BANP: variants seen among roughly 807,000 people sequenced by gnomAD.
BANP encodes BTG3 associated nuclear protein.
Under a neutral mutation model 68.1 loss-of-function variants are expected in BANP, and 11 were observed. The observed-to-expected ratio is 0.16, with a 90% CI of 0.10 to 0.27. The LOEUF is 0.27. Ranked by LOEUF, BANP falls within the 10% of genes least tolerant of loss-of-function variation. The pLI is 1.00. For missense variants in BANP, 504 were observed against 722.7 expected (o/e 0.70, Z 3.47); for synonymous variants, 329 against 303.2 (o/e 1.09, Z -0.88).
chr16:87,992,287 G>A (rs551132530), intron 4 of BANP, among the ~76,000 whole-genome samples: 1 of 152,288 alleles, frequency 6.6e-6, no homozygotes, highest in Non-Finnish European at 1.5e-5. Flanking sequence ...TTGCGTCTGT[G>A]TTTGTGCAAC....
intron 12 of BANP, among the ~76,000 whole-genome samples, chr16:88,068,731 C>A (rs939211636): frequency 1.3e-5 from 2 of 152,154 alleles, no homozygotes; most frequent in Non-Finnish European, 2.9e-5. Flanking sequence ...TGCAGAACTC[C>A]TCCCCAGCCC....
intron 2 of BANP, 168 bp downstream of exon 2, chr16:87,975,353 C>T (rs572374180): frequency 7.2e-6 from 5 of 696,460 alleles, no homozygotes; most frequent in South Asian, 3.5e-5. Context: ...TCCCTTCCCT[C>T]GCCCCTGCAG....
Position 88,016,720 on chromosome 16 carries a change from C to G in BANP, c.656-1708C>G, listed in dbSNP as rs115317820. 8.2e-3 allele frequency among the ~76,000 whole-genome samples: 1,250 copies of G among 152,320 alleles called. 16 individuals are homozygous for G. The highest frequency in any genetic ancestry group is 0.028 in the African/African-American group (1,151 of 41,544). The stretch of plus-strand genomic sequence containing the variant: ...CCATTAGCCTTGAGGTCACGTGTTT[C>G]CGTTTTGCTCCTCATATACAGGTGG... On this transcript the variant is annotated intron_variant, in intron 6 of 13. Transcript: ENST00000682872.
intron 11 of BANP, among the ~76,000 whole-genome samples, chr16:88,059,912 A>G (rs2086238355): frequency 6.6e-6 from 1 of 152,076 alleles, no homozygotes; most frequent in Non-Finnish European, 1.5e-5. Context: ...CCTGGTGGGG[A>G]AGGGTCACAT....
chr16:87,984,376 C>T (rs1353448867), intron 4 of BANP, 117 bp downstream of exon 4: 3 of 1,127,488 alleles, frequency 2.7e-6, no homozygotes, highest in Admixed American at 2.6e-5. Flanking sequence ...GTGTCTGCCT[C>T]AGCAGTCTCA....
upstream of BANP, among the ~76,000 whole-genome samples, chr16:87,949,979 G>A (rs969899221): frequency 2.0e-5 from 3 of 150,460 alleles, no homozygotes; most frequent in Admixed American, 6.7e-5. Context: ...CCGGGTTCAC[G>A]CCATTCTCCC....
chr16:88,045,584 C>T (rs1201701685), intron 11 of BANP, among the ~76,000 whole-genome samples: 1 of 152,184 alleles, frequency 6.6e-6, no homozygotes, highest in African/African-American at 2.4e-5. Context: ...GCGCTCCCCT[C>T]ACTCCCCACA....
At chr16:88,059,536 G>A (rs1394251510) in intron 11 of BANP, among the ~76,000 whole-genome samples, 2 of 152,104 alleles carry the variant, frequency 1.3e-5, no homozygotes, top group Admixed American at 6.5e-5. Context: ...TAAGGGACAC[G>A]GTTCAGGCCA....
chr16:87,961,703 G>A (rs1222441434), intron 1 of BANP, among the ~76,000 whole-genome samples: 2 of 152,272 alleles, frequency 1.3e-5, no homozygotes, highest in East Asian at 3.9e-4. Context: ...TGAAACTCAT[G>A]TTGAAAGCTG....
At chr16:87,964,881 C>G (rs1021398729) in intron 1 of BANP, among the ~76,000 whole-genome samples, 2 of 152,154 alleles carry the variant, frequency 1.3e-5, no homozygotes, top group African/African-American at 4.8e-5. Context: ...GTGGAAGAAG[C>G]AGGTTGGTTT....
intron 6 of BANP, among the ~76,000 whole-genome samples, chr16:88,017,887 GGGCATGCTGT>G (rs2074958735): frequency 6.6e-6 from 1 of 152,234 alleles, no homozygotes; most frequent in African/African-American, 2.4e-5. Context: ...CTGGCGTCAA[GGGCATGCTGT>G]GACTTACACT....
intron 6 of BANP, among the ~76,000 whole-genome samples, chr16:88,013,496 G>A (rs2073755634): frequency 6.6e-6 from 1 of 152,052 alleles, no homozygotes; most frequent in South Asian, 2.1e-4. Flanking sequence ...CTAGTTCCTA[G>A]ACCGCTGCCC....
rs1290979165 is a variant in BANP at position 88,002,013 on chromosome 16, T to C, written c.363-2282T>C. Among the ~76,000 whole-genome samples the C allele has an allele frequency of 1.3e-5, 2 of 152,188 alleles. No homozygotes were observed. Among genetic ancestry groups the C allele is most frequent in the Non-Finnish European group, 2.9e-5 (2 of 68,030 alleles). On this transcript the variant is annotated intron_variant, in intron 4 of 13. Transcript: ENST00000682872. This position sits in a 1 kb window ranked among gnomAD's most constrained non-coding sequence, Gnocchi z 4.6. ...GGTTGAACAGAAGAACGTGAATATG[T>C]CACCCACTTAGAACTAATTCTTGAT... is the stretch of plus-strand genomic sequence containing the variant.
intron 11 of BANP, among the ~76,000 whole-genome samples, chr16:88,044,067 C>A (rs1254511039): frequency 6.6e-6 from 1 of 152,226 alleles, no homozygotes; most frequent in Non-Finnish European, 1.5e-5. Context: ...GCTGGTTGGT[C>A]ATACCCGCAT....
intron 11 of BANP, among the ~76,000 whole-genome samples, chr16:88,042,037 G>A (rs554768465): frequency 2.0e-5 from 3 of 152,328 alleles, no homozygotes; most frequent in East Asian, 1.9e-4. Context: ...AGGAGGGGTC[G>A]GGAGAGCCAC....
chr16:88,039,533 C>T (rs62046863), intron 11 of BANP, among the ~76,000 whole-genome samples: 76,617 of 134,016 alleles, frequency 0.57, 25,014 homozygotes, highest in Non-Finnish European at 0.69. Context: ...TCACCTTCGA[C>T]ATTCCCTTGT....
At chr16:87,959,425 C>T (rs2058695728) in intron 1 of BANP, among the ~76,000 whole-genome samples, 1 of 152,164 alleles carries the variant, frequency 6.6e-6, no homozygotes, top group Admixed American at 6.5e-5. Context: ...AGGAATAAGA[C>T]GAGGTTGTGT....
At chr16:87,977,756 A>G (rs1326721173) in intron 2 of BANP, among the ~76,000 whole-genome samples, 2 of 152,340 alleles carry the variant, frequency 1.3e-5, no homozygotes, top group Non-Finnish European at 2.9e-5. Flanking sequence ...GCGTGTACCA[A>G]CTATGGCTTG....
At chr16:87,986,657 T>A (rs2064503689) in intron 4 of BANP, among the ~76,000 whole-genome samples, 1 of 152,210 alleles carries the variant, frequency 6.6e-6, no homozygotes, top group Admixed American at 6.5e-5. Context: ...TCTGTGCTCA[T>A]GAAAACATGT....
Sources: gnomAD v4.1 joint callset for allele counts (sites outside exome capture counted in the v4.1 genomes callset) on GRCh38, gnomAD v4.1.1 for gene constraint, Gnocchi (gnomAD v3.1) non-coding constraint, MANE v1.5 for transcripts, NCBI Gene and HGNC (gene_info 2026-07-23, HGNC 2026-07-21) for gene names.